The following SNTG1 variants were observed in gnomAD, a reference collection of about 807,000 sequenced individuals.
SNTG1 encodes gamma-1-syntrophin.
In SNTG1, 39 loss-of-function variants were observed where a neutral mutation model predicts 74.7. The observed-to-expected ratio is 0.52, with a 90% CI of 0.40 to 0.68. The LOEUF (loss-of-function observed/expected upper bound fraction) is 0.68. SNTG1 is among the 30% of genes least tolerant of loss of function. The pLI, the probability that SNTG1 is intolerant of heterozygous loss-of-function variation, is 0.00. For synonymous variants in SNTG1, 254 were observed against 217.1 expected, an observed-to-expected ratio of 1.17 and a Z score of -1.49; for missense variants, 685 against 609.5, an observed-to-expected ratio of 1.12 and a Z score of -1.30.
At chr8:50,693,202 C>T (rs867363599) in intron 15 of SNTG1, among the ~76,000 whole-genome samples, 39 of 152,278 alleles carry the variant, frequency 2.6e-4, no homozygotes, top group Middle Eastern at 3.4e-3. Flanking sequence ...TTGCACTTCC[C>T]GGGTGAGGTG....
intron 15 of SNTG1, among the ~76,000 whole-genome samples, chr8:50,684,084 T>C (rs1382044402): frequency 6.6e-6 from 1 of 152,190 alleles, no homozygotes; most frequent in Non-Finnish European, 1.5e-5. Flanking sequence ...TAAGTGTGGG[T>C]TTGTTTGAAT....
intron 15 of SNTG1, among the ~76,000 whole-genome samples, chr8:50,677,389 T>C (rs1051822266): frequency 3.3e-5 from 5 of 151,990 alleles, no homozygotes; most frequent in Non-Finnish European, 7.4e-5. Context: ...AAATTTTATA[T>C]GGACACCCAT....
At chr8:50,341,308 G>A (rs1418427592) in intron 2 of SNTG1, among the ~76,000 whole-genome samples, 2 of 151,920 alleles carry the variant, frequency 1.3e-5, no homozygotes, top group African/African-American at 4.8e-5. Flanking sequence ...ACAAATAAGA[G>A]TTGGAGGAAT....
intron 1 of SNTG1, among the ~76,000 whole-genome samples, chr8:49,932,741 A>G (rs1310290690): frequency 2.6e-5 from 4 of 152,264 alleles, no homozygotes; most frequent in Admixed American, 6.5e-5. Flanking sequence ...TCATCTCCAA[A>G]ACAAACTCTG....
chr8:50,618,412 A>G (rs2094899079), intron 13 of SNTG1, among the ~76,000 whole-genome samples: 2 of 152,186 alleles, frequency 1.3e-5, no homozygotes, highest in African/African-American at 2.4e-5. Flanking sequence ...ATTCTACCAT[A>G]TACTACATTT....
chr8:50,302,509 C>T (rs937701422), intron 2 of SNTG1, among the ~76,000 whole-genome samples: 1 of 152,054 alleles, frequency 6.6e-6, no homozygotes, highest in African/African-American at 2.4e-5. Flanking sequence ...GGTTAAACTA[C>T]CAAGCAAAAC....
chr8:50,632,285 TTTTATTTATTTATTTA>T (rs745874673), intron 13 of SNTG1, among the ~76,000 whole-genome samples: 17 of 134,402 alleles, frequency 1.3e-4, no homozygotes, highest in African/African-American at 3.4e-4. Flanking sequence ...GTCTTTTTAA[TTTTATTTATTTATTTA>T]TTTATTTATT....
At chr8:50,246,479 T>G (rs556151259) in intron 2 of SNTG1, among the ~76,000 whole-genome samples, 12 of 147,788 alleles carry the variant, frequency 8.1e-5, no homozygotes, top group Admixed American at 7.0e-4. Flanking sequence ...TTAACATTAC[T>G]AAGTGAAGAA....
intron 5 of SNTG1, among the ~76,000 whole-genome samples, chr8:50,442,237 C>A (rs2093364075): frequency 6.6e-6 from 1 of 152,166 alleles, no homozygotes; most frequent in African/African-American, 2.4e-5. Flanking sequence ...TTGTCTCATT[C>A]TACAGTTATT....
chr8:50,322,375 G>T (rs1342759888), intron 2 of SNTG1, among the ~76,000 whole-genome samples: 1 of 152,050 alleles, frequency 6.6e-6, no homozygotes, highest in East Asian at 1.9e-4. Flanking sequence ...GATCTAAAAG[G>T]CTTCCACTGG....
At chr8:50,631,210 C>A (rs1188367677) in intron 13 of SNTG1, among the ~76,000 whole-genome samples, 1 of 152,160 alleles carries the variant, frequency 6.6e-6, no homozygotes, top group Non-Finnish European at 1.5e-5. Context: ...ATATTCTTGT[C>A]TTTTTCTGTA....
intron 2 of SNTG1, among the ~76,000 whole-genome samples, chr8:50,376,756 TAG>T (rs58103614): frequency 0.043 from 3,818 of 89,574 alleles, 74 homozygotes; most frequent in African/African-American, 0.059. Context: ...TATATATATA[TAG>T]AGAGAGAGAG....
At position 50,793,978 on chromosome 8, in the gene SNTG1, AG is replaced by A. The variant is rs1398934600; in HGVS notation, c.*1151del. The A allele has an allele frequency of 2.2e-4, 33 of 152,048 alleles. No individual in the cohort carries two copies. The highest frequency in any genetic ancestry group is 7.7e-4 in the African/African-American group (32 of 41,528). 9.4% of individuals were successfully genotyped at this position (152,048 alleles called of 1,614,324 possible). On this transcript the variant is annotated 3_prime_UTR_variant, in exon 19 of 19. Transcript: ENST00000642720. ...TTTGTCCTAAGAATGTAAATGTGAA[AG>A]GCTGGGAAATTTGAAAGCCTTAGAG...
chr8:50,072,296 C>A lies in SNTG1; in HGVS notation c.-102-100265C>A, dbSNP rs1821438225. ...ATGAGAATACATATGAATGACTTAA[C>A]ATAGTGCTGAGACATATAGGTATCC... On this transcript the variant is annotated intron_variant, in intron 1 of 18. Transcript: ENST00000642720. Among the ~76,000 whole-genome samples the A allele has an allele frequency of 1.3e-5, 2 of 152,106 alleles. 1 individual carries two copies. The highest frequency in any genetic ancestry group is 4.1e-4 in the South Asian group (2 of 4,822).
intron 8 of SNTG1, among the ~76,000 whole-genome samples, chr8:50,470,734 C>T (rs1010816239): frequency 6.6e-6 from 1 of 152,140 alleles, no homozygotes; most frequent in African/African-American, 2.4e-5. Context: ...GTGAGTGTTA[C>T]AGCTCATAAA....
chr8:49,974,971 A>G (rs1480521373), intron 1 of SNTG1, among the ~76,000 whole-genome samples: 1 of 152,088 alleles, frequency 6.6e-6, no homozygotes, highest in Non-Finnish European at 1.5e-5. Flanking sequence ...GAGAAAGAAC[A>G]TGGAGAGTGC....
At chr8:50,232,827 T>C (rs1350757643) in intron 2 of SNTG1, among the ~76,000 whole-genome samples, 2 of 151,540 alleles carry the variant, frequency 1.3e-5, no homozygotes, top group Admixed American at 6.6e-5. Flanking sequence ...CAATATTACT[T>C]ACAATTGCTC....
intron 15 of SNTG1, among the ~76,000 whole-genome samples, chr8:50,688,961 T>G (rs1011192725): frequency 3.2e-3 from 483 of 152,222 alleles, no homozygotes; most frequent in Non-Finnish European, 5.3e-3. Context: ...TCTCCTTGAC[T>G]AGGTCCTTCA....
intron 11 of SNTG1, among the ~76,000 whole-genome samples, chr8:50,546,311 G>T (rs1247505332): frequency 6.6e-6 from 1 of 152,084 alleles, no homozygotes; most frequent in East Asian, 1.9e-4. Flanking sequence ...CATAAAATGT[G>T]ATGAGGGGGA....
Sources: gnomAD v4.1 joint callset for allele counts (sites outside exome capture counted in the v4.1 genomes callset) on GRCh38, gnomAD v4.1.1 for gene constraint, MANE v1.5 for transcripts, NCBI Gene and HGNC (gene_info 2026-07-23, HGNC 2026-07-21) for gene names.